Variants in DGCR2 observed in about 807,000 individuals in gnomAD.
DGCR2 encodes DiGeorge syndrome critical region gene 2, also known as integral membrane protein DGCR2/IDD.
DGCR2 carries 24 observed loss-of-function variants against 51.6 expected under a neutral mutation model. That is an observed-to-expected ratio of 0.47 (90% CI 0.34 to 0.65). DGCR2 has a LOEUF of 0.65. DGCR2 is among the 30% of genes least tolerant of loss of function. The pLI is 0.01. For synonymous variants in DGCR2, 340 were observed against 315.4 expected, an observed-to-expected ratio of 1.08 and a Z score of -0.82; for missense variants, 765 against 772.1, an observed-to-expected ratio of 0.99 and a Z score of 0.11.
chr22:19,065,005 C>G lies in DGCR2; in HGVS notation c.391G>C (p.Val131Leu). The G allele has an allele frequency of 6.2e-7, 1 of 1,614,078 alleles. No individual in the cohort carries two copies. The highest frequency in any genetic ancestry group is 8.5e-7 in the Non-Finnish European group (1 of 1,180,042). ...HYEGTASCYR[V>L]YLSGENYWDA... is the part of the protein sequence containing the mutation. ...CAGTAGTTCTCCCCGCTCAGGTAGA[C>G]CCGGTAGCAGCTGGCCGTGCCTTCG... Residue 131 changes from valine to leucine, a missense_variant, in exon 4 of 10, where the codon GTC becomes CTC. Val to Leu is a conservative substitution (Grantham distance 32). Around this residue, in one of 3 missense-constraint regions of DGCR2, gnomAD observed 370 missense variants for 325.5 expected, o/e 1.14. Transcript: ENST00000263196.
chr22:19,100,007 C>A (rs2083184103), intron 1 of DGCR2, among the ~76,000 whole-genome samples: 2 of 148,094 alleles, frequency 1.4e-5, no homozygotes, highest in African/African-American at 5.0e-5. Flanking sequence ...AGTATGGTGG[C>A]TCATGCCTAT....
chr22:19,038,926 G>A lies in DGCR2; in HGVS notation c.1592C>T (p.Ala531Val). 1 of 1,612,766 alleles carries A rather than the reference G, an allele frequency of 6.2e-7. No homozygotes were observed. The highest frequency in any genetic ancestry group is 8.5e-7 in the Non-Finnish European group (1 of 1,179,872). Reference protein sequence around the residue: ...PDPAQSGSTPAAEALPGGGRH... With the variant: ...PDPAQSGSTPVAEALPGGGRH... ...GCCACCCCCTGGCAGTGCCTCTGCA[G>A]CTGGGGTGCTCCCGCTCTGGGCAGG... is the stretch of plus-strand genomic sequence containing the variant. The change falls in exon 10 of 10, where the codon GCT becomes GTT. Residue 531 changes from alanine (A) to valine (V), a missense_variant. Ala to Val is a moderately conservative substitution (Grantham distance 64). Transcript: ENST00000263196.
intron 6 of DGCR2, among the ~76,000 whole-genome samples, chr22:19,048,865 A>G (rs1291085722): frequency 6.6e-6 from 1 of 152,208 alleles, no homozygotes; most frequent in Non-Finnish European, 1.5e-5. Flanking sequence ...AAACACTGCC[A>G]TCACTGCTGC....
At chr22:19,086,256 TCAC>T (rs1316143186) in intron 2 of DGCR2, among the ~76,000 whole-genome samples, 1 of 151,900 alleles carries the variant, frequency 6.6e-6, no homozygotes, top group African/African-American at 2.4e-5. Flanking sequence ...GGAGAGCGGA[TCAC>T]AAGGTCAGGA....
rs1325348789 is a variant in DGCR2 at position 19,057,817 on chromosome 22, G to C, written c.626-655C>G. On this transcript the variant is annotated intron_variant, in intron 5 of 9. Transcript: ENST00000263196. The surrounding 1 kb of genome is among the most constrained non-coding windows in gnomAD (Gnocchi z 5.1). Reference sequence around the variant, plus strand: ...TGTACCCCTGCCGCAGAGAGCGTGAGGGTTGGGGACTGCTAACCTCCAAGC... The same window carrying C: ...TGTACCCCTGCCGCAGAGAGCGTGACGGTTGGGGACTGCTAACCTCCAAGC... Among the ~76,000 whole-genome samples the C allele has an allele frequency of 6.6e-6, 1 of 152,148 alleles. No individual in the cohort carries two copies. The highest frequency in any genetic ancestry group is 1.9e-4 in the East Asian group (1 of 5,162).
At chr22:19,095,160 C>T (rs1208539940) in intron 1 of DGCR2, among the ~76,000 whole-genome samples, 1 of 151,868 alleles carries the variant, frequency 6.6e-6, no homozygotes, top group Non-Finnish European at 1.5e-5. Context: ...GTCGGGAGTT[C>T]GAGACCAGCC....
At position 19,041,959 on chromosome 22, in the gene DGCR2, T is replaced by C. The variant is rs1569035549; in HGVS notation, c.1007A>G (p.Asp336Gly). 1.2e-6 allele frequency: 2 copies of C among 1,611,908 alleles called. No individual in the cohort carries two copies. Among genetic ancestry groups the C allele is most frequent in the Non-Finnish European group, 1.7e-6 (2 of 1,179,418 alleles). The change falls in exon 8 of 10, where the codon GAT becomes GGT. Residue 336 changes from aspartate (D) to glycine (G), a missense_variant and splice_region_variant. Transcript: ENST00000263196. Reference protein sequence around the residue: ...ECCKFMCLDPDGNSLFDSMAS... With the variant: ...ECCKFMCLDPGGNSLFDSMAS... ...CATGGAGTCAAACAGACTGTTGCCA[T>C]CTGAGGGGGAGGGGAGGAAATGGCC...
At chr22:19,071,442 C>T (rs903263571) in intron 2 of DGCR2, among the ~76,000 whole-genome samples, 3 of 151,940 alleles carry the variant, frequency 2.0e-5, no homozygotes, top group Non-Finnish European at 4.4e-5. Context: ...CCTTGGGCCT[C>T]GTGATTTGAT....
intron 2 of DGCR2, 82 bp from the exon 3 acceptor site, chr22:19,068,307 G>A (rs2082773901): frequency 7.1e-7 from 1 of 1,403,602 alleles, no homozygotes; most frequent in East Asian, 2.8e-5. Flanking sequence ...AGACCACTCA[G>A]GGCTGCAAGG....
chr22:19,074,206 C>T (rs2082848551), intron 2 of DGCR2, among the ~76,000 whole-genome samples: 2 of 152,142 alleles, frequency 1.3e-5, no homozygotes, highest in South Asian at 4.1e-4. Context: ...CAGGCGATCG[C>T]TTAAGGTCAA....
At chr22:19,093,477 T>C (rs939955265) in intron 1 of DGCR2, among the ~76,000 whole-genome samples, 1 of 151,302 alleles carries the variant, frequency 6.6e-6, no homozygotes, top group African/African-American at 2.4e-5. Context: ...TTTAAGCAAA[T>C]ACCTTTAATA....
At position 19,080,657 on chromosome 22, in the gene DGCR2, G is replaced by A. The variant is rs568601855; in HGVS notation, c.202+8711C>T. On this transcript the variant is annotated intron_variant, in intron 2 of 9. Coordinates refer to ENST00000263196, the MANE Select transcript of DGCR2 (RefSeq NM_005137.3). ...TCAAGACCAGCCTCAGCAACAGGGCGAGACCTCGTCTCTACAAAAAATTTA... is the reference window on the plus strand; with the variant it reads ...TCAAGACCAGCCTCAGCAACAGGGCAAGACCTCGTCTCTACAAAAAATTTA... Among the ~76,000 whole-genome samples the A allele has an allele frequency of 6.2e-4, 94 of 152,222 alleles. 2 individuals carry two copies. In the South Asian group the frequency reaches 0.019, roughly 31 times the overall value.
At position 19,037,319 on chromosome 22, in the gene DGCR2, A is replaced by G. The variant is rs2082380861; in HGVS notation, c.*1546T>C. On this transcript the variant is annotated 3_prime_UTR_variant, in exon 10 of 10. Transcript: ENST00000263196. The stretch of plus-strand genomic sequence containing the variant: ...GTCAAGTCTGTCTGTGGGCAACTCA[A>G]GATTCTCATTCCACATGGGATGGAA... 6.6e-6 allele frequency: 1 copy of G among 152,260 alleles called. No homozygotes were observed. The highest frequency in any genetic ancestry group is 1.5e-5 in the Non-Finnish European group (1 of 68,080). The allele number at this position is 152,260 out of a possible 1,614,324, so 9.4% of individuals were successfully genotyped here.
rs1297660003 is a variant in DGCR2, at chr22:19,122,307, C to G, written c.-101G>C. On this transcript the variant is annotated 5_prime_UTR_variant, in exon 1 of 10. Coordinates refer to ENST00000263196, the MANE Select transcript of DGCR2 (RefSeq NM_005137.3). ...AGCGGAGGGTCAGGCGGAGCTGAAC[C>G]TGGGCGAGGCGCGGAGAGGCGGCGG... 1 of 974,090 alleles carries G rather than the reference C, an allele frequency of 1.0e-6. No individual in the cohort carries two copies. Among genetic ancestry groups the G allele is most frequent in the South Asian group, 2.0e-5 (1 of 50,156 alleles). 60.3% of individuals were successfully genotyped at this position (974,090 alleles called of 1,614,324 possible). A position where few individuals can be genotyped will look rare whatever the true frequency, so the allele number is the denominator to read the frequency against.
At chr22:19,103,739 TAAAAAA>T (rs34046451) in intron 1 of DGCR2, among the ~76,000 whole-genome samples, 2 of 78,714 alleles carry the variant, frequency 2.5e-5, no homozygotes, top group African/African-American at 1.0e-4. Context: ...AAAAAATTCT[TAAAAAA>T]AAAAAAAAAA....
intron 2 of DGCR2, among the ~76,000 whole-genome samples, chr22:19,089,074 T>G (rs1476539312): frequency 6.6e-6 from 1 of 151,946 alleles, no homozygotes; most frequent in Non-Finnish European, 1.5e-5. Context: ...TCAGGAGGGG[T>G]TCACACTCAA....
At chr22:19,084,244 T>G (rs968703404) in intron 2 of DGCR2, among the ~76,000 whole-genome samples, 4 of 148,382 alleles carry the variant, frequency 2.7e-5, no homozygotes, top group Non-Finnish European at 5.9e-5. Flanking sequence ...GGAGCGCCTC[T>G]TCCCTGTCGC....
intron 1 of DGCR2, among the ~76,000 whole-genome samples, chr22:19,104,620 G>A (rs1435736389): frequency 6.6e-6 from 1 of 152,156 alleles, no homozygotes; most frequent in Non-Finnish European, 1.5e-5. Flanking sequence ...CACTAAGATA[G>A]GTCTCCACCA....
chr22:19,058,572 TTTC>T (rs1306106964), intron 5 of DGCR2, among the ~76,000 whole-genome samples: 1 of 152,170 alleles, frequency 6.6e-6, no homozygotes, highest in South Asian at 2.1e-4. Context: ...TAAACACTGT[TTTC>T]TTCACTATTT....
Sources: gnomAD v4.1 joint callset for allele counts (sites outside exome capture counted in the v4.1 genomes callset) on GRCh38, gnomAD v4.1.1 for gene constraint, gnomAD v4.1.1 regional missense constraint, Gnocchi (gnomAD v3.1) non-coding constraint, MANE v1.5 for transcripts, NCBI Gene and HGNC (gene_info 2026-07-23, HGNC 2026-07-21) for gene names.